The following GPC6 variants were observed in gnomAD, a reference collection of about 807,000 sequenced individuals.
GPC6 encodes the protein glypican 6, also known as glypican-6.
A neutral mutation model predicts 55.2 loss-of-function variants in GPC6; 14 were observed. The observed-to-expected ratio is 0.25, with a 90% CI of 0.17 to 0.40. GPC6 has a LOEUF of 0.40. Among genes scored for constraint, GPC6 ranks in the 10% least tolerant of loss-of-function variants. GPC6 has a pLI of 1.00. For missense variants in GPC6, 641 were observed against 708.5 expected (o/e 0.90, Z 1.08); for synonymous variants, 278 against 259.6 (o/e 1.07, Z -0.68).
At chr13:93,618,372 T>C (rs2389010) in intron 2 of GPC6, among the ~76,000 whole-genome samples, 67,385 of 151,874 alleles carry the variant, frequency 0.44, 16,394 homozygotes, top group African/African-American at 0.66. Context: ...ACTGTACACC[T>C]ACTTCTGCCC....
intron 4 of GPC6, among the ~76,000 whole-genome samples, chr13:94,273,847 T>A (rs1047390835): frequency 5.3e-5 from 8 of 152,220 alleles, no homozygotes; most frequent in Non-Finnish European, 1.0e-4. Flanking sequence ...ATGACTCATC[T>A]TTAAGGCAAG....
chr13:93,221,410 T>C, the GPC6 span, among the ~76,000 whole-genome samples: 2 of 152,166 alleles, frequency 1.3e-5, no homozygotes, highest in African/African-American at 4.8e-5. Context: ...TTCCCTTCCT[T>C]GAAGCCAAAC....
intron 4 of GPC6, among the ~76,000 whole-genome samples, chr13:94,220,257 A>G (rs1890343960): frequency 6.6e-6 from 1 of 152,096 alleles, no homozygotes; most frequent in African/African-American, 2.4e-5. Context: ...TTGTTCTCAC[A>G]TACGTTCCAA....
chr13:94,079,531 G>A (rs1474220953), intron 4 of GPC6, among the ~76,000 whole-genome samples: 1 of 152,090 alleles, frequency 6.6e-6, no homozygotes, highest in East Asian at 1.9e-4. Flanking sequence ...GTTCGTTGAG[G>A]ACAGTTATTT....
intron 6 of GPC6, among the ~76,000 whole-genome samples, chr13:94,373,277 G>C (rs1169429974): frequency 1.3e-5 from 2 of 151,544 alleles, no homozygotes; most frequent in Non-Finnish European, 2.9e-5. Context: ...AGCTACGGGA[G>C]GACATTCAAA....
chr13:93,466,240 C>T (rs757481371), intron 1 of GPC6, among the ~76,000 whole-genome samples: 43 of 151,910 alleles, frequency 2.8e-4, no homozygotes, highest in Non-Finnish European at 5.9e-4. Context: ...CTGTGAAGAA[C>T]AATAAAGTGA....
intron 1 of GPC6, among the ~76,000 whole-genome samples, chr13:93,471,390 C>T (rs929531592): frequency 5.4e-5 from 8 of 148,994 alleles, no homozygotes; most frequent in South Asian, 2.1e-4. Flanking sequence ...ATTAGCCAGG[C>T]GTGGTGGCGG....
intron 1 of GPC6, among the ~76,000 whole-genome samples, chr13:93,324,405 TTTAA>T (rs1340301554): frequency 6.6e-6 from 1 of 151,640 alleles, no homozygotes; most frequent in Non-Finnish European, 1.5e-5. Context: ...AATAATTTAA[TTTAA>T]AATAACTAAA....
At chr13:94,388,819 A>C (rs1246215919) in intron 7 of GPC6, among the ~76,000 whole-genome samples, 13 of 152,174 alleles carry the variant, frequency 8.5e-5, no homozygotes, top group Non-Finnish European at 1.8e-4. Flanking sequence ...GATCTCATTC[A>C]ACCGTAAGAG....
At chr13:94,104,281 C>A (rs1885974674) in intron 4 of GPC6, among the ~76,000 whole-genome samples, 1 of 152,090 alleles carries the variant, frequency 6.6e-6, no homozygotes. Flanking sequence ...GTTTTGGTTA[C>A]TGTAGCCTTG....
At chr13:93,247,931 C>T (rs1876658287) in intron 1 of GPC6, among the ~76,000 whole-genome samples, 1 of 152,164 alleles carries the variant, frequency 6.6e-6, no homozygotes, top group Non-Finnish European at 1.5e-5. Flanking sequence ...AAGTTAGGTG[C>T]ATCAGATATT....
chr13:93,865,302 C>T (rs1888927837), intron 3 of GPC6, among the ~76,000 whole-genome samples: 1 of 151,676 alleles, frequency 6.6e-6, no homozygotes, highest in African/African-American at 2.4e-5. Flanking sequence ...AGTTTTCTAT[C>T]TATTTTCAAT....
intron 1 of GPC6, among the ~76,000 whole-genome samples, chr13:93,368,350 TTCC>T (rs1881330930): frequency 1.4e-5 from 1 of 70,158 alleles, no homozygotes; most frequent in Admixed American, 2.3e-4. Context: ...CCTTCCTTCC[TTCC>T]TTCCTTCCTT....
intron 1 of GPC6, among the ~76,000 whole-genome samples, chr13:93,260,904 TG>T (rs1344136142): frequency 6.6e-6 from 1 of 152,148 alleles, no homozygotes; most frequent in Non-Finnish European, 1.5e-5. Context: ...CTTCCTTTTT[TG>T]GTAGTTCAGT....
At chr13:94,094,839 A>G (rs1885607799) in intron 4 of GPC6, among the ~76,000 whole-genome samples, 1 of 152,140 alleles carries the variant, frequency 6.6e-6, no homozygotes, top group African/African-American at 2.4e-5. Context: ...TAGAATGCTT[A>G]CTATGTAAAT....
At chr13:93,565,382 C>T (rs1218815921) in intron 2 of GPC6, among the ~76,000 whole-genome samples, 1 of 152,162 alleles carries the variant, frequency 6.6e-6, no homozygotes, top group Non-Finnish European at 1.5e-5. Flanking sequence ...TATATGGCAA[C>T]ATTTTAACAA....
chr13:93,465,656 C>T (rs183553404), intron 1 of GPC6, among the ~76,000 whole-genome samples: 3 of 152,268 alleles, frequency 2.0e-5, no homozygotes, highest in African/African-American at 7.2e-5. Context: ...AATAGTTCCT[C>T]CATATCAGCA....
intron 2 of GPC6, among the ~76,000 whole-genome samples, chr13:93,788,611 G>C (rs779260122): frequency 6.6e-6 from 1 of 151,466 alleles, no homozygotes; most frequent in African/African-American, 2.4e-5. Context: ...CCACTCAGAC[G>C]AAGTGAAATA....
chr13:93,822,844 ATTATTATTATT>A (rs1365988361), intron 2 of GPC6, among the ~76,000 whole-genome samples: 1 of 146,492 alleles, frequency 6.8e-6, no homozygotes, highest in Non-Finnish European at 1.5e-5. Context: ...TATTATTATT[ATTATTATTATT>A]TTATTATTAT....
Sources: gnomAD v4.1 joint callset for allele counts (sites outside exome capture counted in the v4.1 genomes callset) on GRCh38, gnomAD v4.1.1 for gene constraint, MANE v1.5 for transcripts, NCBI Gene and HGNC (gene_info 2026-07-23, HGNC 2026-07-21) for gene names.